Variants in SLIT3 observed in about 807,000 individuals in gnomAD.
SLIT3 encodes the protein slit guidance ligand 3, also known as slit homolog 3 protein.
SLIT3 carries 68 observed loss-of-function variants against 184.0 expected under a neutral mutation model. The ratio of observed to expected loss-of-function variants is 0.37; its 90% CI spans 0.30 to 0.45. The LOEUF is 0.45. Ranked by LOEUF, SLIT3 falls within the 20% of genes least tolerant of loss-of-function variation. SLIT3 has a pLI of 1.00. For synonymous variants in SLIT3, 831 were observed against 828.6 expected (o/e 1.00, Z -0.05); for missense variants, 1,707 against 2,026.0 (o/e 0.84, Z 3.02).
intron 26 of SLIT3, among the ~76,000 whole-genome samples, chr5:168,703,226 TTGTGTGTGTGTGTGTGTGTGTGTGTGTG>T (rs370363011): frequency 7.9e-5 from 10 of 126,658 alleles, no homozygotes; most frequent in East Asian, 7.4e-4. Flanking sequence ...TCATCCCACT[TTGTGTGTGTGTGTGTGTGTGTGTGTGTG>T]TGTGTGTGTG....
At chr5:168,681,686 C>T (rs1052204701) in intron 32 of SLIT3, among the ~76,000 whole-genome samples, 10 of 152,174 alleles carry the variant, frequency 6.6e-5, no homozygotes, top group African/African-American at 1.7e-4. Context: ...CACAGTGCTG[C>T]GACACTCCTA....
intron 4 of SLIT3, among the ~76,000 whole-genome samples, chr5:169,003,677 C>A (rs1031462638): frequency 1.3e-5 from 2 of 152,198 alleles, no homozygotes; most frequent in African/African-American, 4.8e-5. Context: ...CCTGTCAAAT[C>A]AATTTGGGAG....
chr5:168,857,398 G>GTT (rs1437228393), intron 5 of SLIT3, among the ~76,000 whole-genome samples: 1 of 151,770 alleles, frequency 6.6e-6, no homozygotes, highest in African/African-American at 2.4e-5. Flanking sequence ...GTTTTGTTTT[G>GTT]TTTTGTTTTA....
intron 5 of SLIT3, 85 bp downstream of exon 5, chr5:168,883,180 C>A: frequency 9.3e-7 from 1 of 1,070,434 alleles, no homozygotes. Context: ...CCTGGACCAC[C>A]CTCTTGTCCC....
At chr5:168,752,764 G>A (rs530075658) in intron 18 of SLIT3, 191 bp downstream of exon 18, 2 of 590,350 alleles carry the variant, frequency 3.4e-6, no homozygotes, top group South Asian at 2.1e-5. Flanking sequence ...TGAGTTCCAG[G>A]AAGGAGGGGC....
intron 5 of SLIT3, among the ~76,000 whole-genome samples, chr5:168,881,999 A>AC (rs1210487664): frequency 6.6e-6 from 1 of 151,396 alleles, no homozygotes; most frequent in Non-Finnish European, 1.5e-5. Context: ...CCCTCCACCC[A>AC]CCCCCAGAGA....
chr5:169,103,446 G>A (rs1760090917), intron 4 of SLIT3, among the ~76,000 whole-genome samples: 1 of 152,194 alleles, frequency 6.6e-6, no homozygotes, highest in Non-Finnish European at 1.5e-5. Context: ...AGGATATGCT[G>A]TGCTCCTGGT....
intron 4 of SLIT3, among the ~76,000 whole-genome samples, chr5:168,986,972 C>A (rs892114893): frequency 2.6e-5 from 4 of 152,128 alleles, no homozygotes; most frequent in African/African-American, 9.7e-5. Context: ...CGCTTGAACC[C>A]GGGAGGCAGA....
intron 4 of SLIT3, among the ~76,000 whole-genome samples, chr5:169,157,365 G>A (rs1233414541): frequency 1.3e-5 from 2 of 152,206 alleles, no homozygotes; most frequent in African/African-American, 4.8e-5. Context: ...GGTGTTGGGA[G>A]GCCATGTGGG....
chr5:169,160,954 A>C (rs951600403), intron 4 of SLIT3, among the ~76,000 whole-genome samples: 1 of 152,190 alleles, frequency 6.6e-6, no homozygotes, highest in Non-Finnish European at 1.5e-5. Context: ...GCCTTCAGAG[A>C]TGGTGGCCAA....
At chr5:168,736,745 G>A (rs1763450340) in intron 20 of SLIT3, among the ~76,000 whole-genome samples, 1 of 146,336 alleles carries the variant, frequency 6.8e-6, no homozygotes, top group Admixed American at 6.7e-5. Context: ...GCAGATGTCA[G>A]TTTTCAAGAG....
Position 168,730,551 on chromosome 5 carries a change from C to G in SLIT3, c.2271-6067G>C, listed in dbSNP as rs149743271. Among the ~76,000 whole-genome samples the G allele has an allele frequency of 9.9e-5, 15 of 151,920 alleles. No homozygotes were observed. In the East Asian group the frequency reaches 2.9e-3, roughly 29 times the overall value. ...TTTCTCAGATCACGGTAATTTAAGG[C>G]TAGAAATCAATACCAAGACAAACTT... On this transcript the variant is annotated intron_variant, in intron 20 of 35. Coordinates refer to ENST00000519560, the MANE Select transcript of SLIT3 (RefSeq NM_003062.4).
intron 25 of SLIT3, chr5:168,708,717 G>A (rs1045131563): frequency 3.2e-5 from 5 of 155,314 alleles, no homozygotes; most frequent in African/African-American, 9.6e-5. Context: ...GGGAGGTCAG[G>A]GTCCTTCCCA....
chr5:168,959,835 T>C (rs1014403182), intron 4 of SLIT3, among the ~76,000 whole-genome samples: 3 of 152,142 alleles, frequency 2.0e-5, no homozygotes, highest in East Asian at 1.9e-4. Flanking sequence ...CAGATGATAA[T>C]GGCCAACATT....
intron 32 of SLIT3, among the ~76,000 whole-genome samples, chr5:168,683,270 T>G (rs911901376): frequency 1.3e-5 from 2 of 150,776 alleles, no homozygotes; most frequent in African/African-American, 4.9e-5. Flanking sequence ...CTAGGGAGGC[T>G]GAGGCGGGAG....
chr5:169,238,543 CTTT>C (rs71698425), intron 3 of SLIT3, among the ~76,000 whole-genome samples: 34 of 117,132 alleles, frequency 2.9e-4, no homozygotes, highest in East Asian at 5.0e-4. Context: ...AGTGAAATAG[CTTT>C]TTTTTTTTTT....
rs1312004827 is a variant in SLIT3 at position 168,749,509 on chromosome 5, G to A, written c.2100C>T (p.Pro700=). 1 of 1,614,162 alleles carries A rather than the reference G, an allele frequency of 6.2e-7. No homozygotes were observed. Among genetic ancestry groups the A allele is most frequent in the Non-Finnish European group, 8.5e-7 (1 of 1,180,000 alleles). Residue 700 remains proline, a synonymous_variant, in exon 19 of 36, where the codon CCC becomes CCT. Coordinates refer to ENST00000519560, the MANE Select transcript of SLIT3 (RefSeq NM_003062.4). The part of the protein sequence containing the change: ...CQKPFFLKEI[P]IQDVAIQDFT... The stretch of plus-strand genomic sequence containing the variant: ...AGTCCTGGATGGCCACATCCTGGAT[G>A]GGAATCTCCTTGAGGAAAAATGGCT...
intron 4 of SLIT3, among the ~76,000 whole-genome samples, chr5:168,898,409 T>C (rs1247165123): frequency 6.6e-6 from 1 of 151,864 alleles, no homozygotes. Flanking sequence ...TTTTTTTTTT[T>C]TTTTAAAGAT....
intron 4 of SLIT3, among the ~76,000 whole-genome samples, chr5:169,156,174 T>C (rs1226537802): frequency 6.6e-6 from 1 of 152,194 alleles, no homozygotes; most frequent in African/African-American, 2.4e-5. Flanking sequence ...CAGGTCATTC[T>C]CCTAACTGGT....
Sources: allele counts gnomAD v4.1 joint callset (sites outside exome capture counted in the v4.1 genomes callset), GRCh38; gene constraint gnomAD v4.1.1; transcripts MANE v1.5; gene names NCBI Gene and HGNC (gene_info 2026-07-23, HGNC 2026-07-21).